WDFY4: variants seen among roughly 807,000 people sequenced by gnomAD.
WDFY4 encodes WD repeat- and FYVE domain-containing protein 4.
WDFY4 carries 169 observed loss-of-function variants against 351.9 expected under a neutral mutation model. The ratio of observed to expected loss-of-function variants is 0.48; its 90% confidence interval spans 0.42 to 0.55. WDFY4 has a LOEUF of 0.55. Among genes scored for constraint, WDFY4 ranks in the 20% least tolerant of loss-of-function variants. The pLI is 0.00. For missense variants in WDFY4, 3,803 were observed against 3,935.6 expected, an observed-to-expected ratio of 0.97 and a Z score of 0.90; for synonymous variants, 1,622 against 1,574.6, an observed-to-expected ratio of 1.03 and a Z score of -0.71.
At chr10:48,980,887 T>A (rs1398896545) in intron 60 of WDFY4, among the ~76,000 whole-genome samples, 4 of 152,182 alleles carry the variant, frequency 2.6e-5, no homozygotes, top group African/African-American at 9.7e-5. Flanking sequence ...TTGAGTTATA[T>A]TTTTTGAAAA....
rs1242294977 is a variant in WDFY4, at chr10:48,743,512, A to C, written c.2423A>C (p.Gln808Pro). 1.7e-5 allele frequency: 26 copies of C among 1,539,556 alleles called. No homozygotes were observed. Among genetic ancestry groups the C allele is most frequent in the Non-Finnish European group, 2.2e-5 (25 of 1,146,164 alleles). Residue 808 changes from glutamine to proline, a missense_variant, in exon 12 of 62, where the codon CAA (glutamine) becomes CCA (proline). Coordinates refer to ENST00000325239, the MANE Select transcript of WDFY4 (RefSeq NM_001394531.1). Reference protein sequence around the residue: ...VQKGETGSDPQRNFKQWPDLE... With the variant: ...VQKGETGSDPPRNFKQWPDLE... ...AAGGGAGAAACTGGCAGTGACCCCC[A>C]ACGCAACTTCAAGCAGTGGCCAGAC...
intron 59 of WDFY4, among the ~76,000 whole-genome samples, chr10:48,977,989 G>A (rs1842648375): frequency 6.6e-6 from 1 of 152,176 alleles, no homozygotes; most frequent in Admixed American, 6.5e-5. Flanking sequence ...GAGGGCATTG[G>A]TTGAGCAAAA....
chr10:48,819,698 G>C (rs1289247859), intron 32 of WDFY4, among the ~76,000 whole-genome samples: 1 of 152,176 alleles, frequency 6.6e-6, no homozygotes, highest in East Asian at 1.9e-4. Flanking sequence ...TTAGAGGAAA[G>C]AACTCTTTGG....
intron 50 of WDFY4, among the ~76,000 whole-genome samples, chr10:48,946,499 G>C (rs757220411): frequency 1.5e-4 from 23 of 152,214 alleles, no homozygotes; most frequent in Non-Finnish European, 2.5e-4. Flanking sequence ...CTTTCTCTCT[G>C]CCAGGGGCAG....
intron 44 of WDFY4, among the ~76,000 whole-genome samples, chr10:48,892,713 A>T (rs1836875572): frequency 1.3e-5 from 2 of 152,246 alleles, no homozygotes; most frequent in South Asian, 4.1e-4. Flanking sequence ...TTTCTGTAAA[A>T]GACTGCTATG....
chr10:48,750,589 TCCTCAGCAC>T (rs1438761180), intron 12 of WDFY4, among the ~76,000 whole-genome samples: 2 of 152,252 alleles, frequency 1.3e-5, no homozygotes, highest in East Asian at 1.9e-4. Flanking sequence ...GCCTCACATT[TCCTCAGCAC>T]CCTCAGCACT....
chr10:48,719,047 C>T (rs1187384707), intron 2 of WDFY4, among the ~76,000 whole-genome samples: 1 of 152,030 alleles, frequency 6.6e-6, no homozygotes, highest in Non-Finnish European at 1.5e-5. Flanking sequence ...ATTTTTTAAG[C>T]CTGGAACTAA....
rs563523353 is a variant in WDFY4, at chr10:48,938,675, A to G, written c.7587-3131A>G. Among the ~76,000 whole-genome samples the G allele has an allele frequency of 1.6e-4, 25 of 152,338 alleles. No individual in the cohort carries two copies. The East Asian group carries it at 3.5e-3, about 21-fold the overall frequency. On this transcript the variant is annotated intron_variant, in intron 47 of 61. Transcript: ENST00000325239. ...GCAGTGTGGGGTAGGGAAGGCCCTA[A>G]GGCCACATGGCAGTAGCGCTCAAGC...
At chr10:48,911,184 T>A (rs1364729544) in intron 47 of WDFY4, among the ~76,000 whole-genome samples, 1 of 152,180 alleles carries the variant, frequency 6.6e-6, no homozygotes, top group Non-Finnish European at 1.5e-5. Context: ...TCATCACACA[T>A]GTCTCAGACA....
chr10:48,788,698 T>C, intron 21 of WDFY4, 23 bp downstream of exon 21: 1 of 1,550,428 alleles, frequency 6.4e-7, no homozygotes, highest in Non-Finnish European at 8.7e-7. Flanking sequence ...ACTTCGCTGC[T>C]AATCTCTGTT....
intron 47 of WDFY4, among the ~76,000 whole-genome samples, chr10:48,916,894 TG>T (rs1165418341): frequency 6.6e-6 from 1 of 151,974 alleles, no homozygotes; most frequent in African/African-American, 2.4e-5. Flanking sequence ...TGTGTGTGTG[TG>T]TGTGTGTGTG....
chr10:48,902,725 A>G (rs1837419180), intron 47 of WDFY4, among the ~76,000 whole-genome samples: 1 of 152,068 alleles, frequency 6.6e-6, no homozygotes. Context: ...GATAATTATA[A>G]GTGTAAGTGT....
chr10:48,807,929 A>T lies in WDFY4; in HGVS notation c.4809A>T (p.Ile1603=), dbSNP rs778359208. The T allele has an allele frequency of 6.5e-7, 1 of 1,549,610 alleles. No homozygotes were observed. The highest frequency in any genetic ancestry group is 1.2e-5 in the South Asian group (1 of 83,670). ...TGCTGGAGATGCTGCTCAGTGTAATATCTTCCCCCCAGCTTCATCTGTCCT... is the reference window on the plus strand; with the variant it reads ...TGCTGGAGATGCTGCTCAGTGTAATTTCTTCCCCCCAGCTTCATCTGTCCT... The part of the protein sequence containing the change: ...NQLLEMLLSV[I]SSPQLHLSSE... Residue 1603 remains isoleucine, a synonymous_variant, in exon 28 of 62, where the codon ATA becomes ATT. Transcript: ENST00000325239.
chr10:48,775,254 A>T (rs2065993165), intron 14 of WDFY4, among the ~76,000 whole-genome samples: 1 of 152,130 alleles, frequency 6.6e-6, no homozygotes, highest in South Asian at 2.1e-4. Context: ...GGAGGGCAGG[A>T]GTCTCCTATG....
At position 48,789,832 on chromosome 10, in the gene WDFY4, T is replaced by C. The variant is rs1041658018; in HGVS notation, c.3955-42T>C. On this transcript the variant is annotated intron_variant, in intron 21 of 61. Transcript: ENST00000325239. ...GAGCTCGTGGACAATGCTTCTTCTT[T>C]TGCAGGACTTTCTTAGGACTAATTG... 2.6e-6 allele frequency: 4 copies of C among 1,543,370 alleles called. No individual in the cohort carries two copies. In the African/African-American group the frequency reaches 5.5e-5, roughly 21 times the overall value.
At chr10:48,854,427 A>G (rs2069066345) in intron 39 of WDFY4, among the ~76,000 whole-genome samples, 1 of 151,762 alleles carries the variant, frequency 6.6e-6, no homozygotes, top group African/African-American at 2.4e-5. Flanking sequence ...TTTTTTTTCA[A>G]CTGATCTTAT....
At chr10:48,762,926 T>C (rs1168500219) in intron 13 of WDFY4, among the ~76,000 whole-genome samples, 1 of 152,194 alleles carries the variant, frequency 6.6e-6, no homozygotes, top group Non-Finnish European at 1.5e-5. Context: ...TCCTCTTCTG[T>C]GAGGGGTGAC....
At chr10:48,786,499 G>C (rs577740283) in intron 19 of WDFY4, 140 bp from the exon 20 acceptor site, 434 of 641,136 alleles carry the variant, frequency 6.8e-4, no homozygotes, top group Non-Finnish European at 8.8e-4. Context: ...TGAGATTTGA[G>C]AATTATATTT....
At chr10:48,716,487 G>GA (rs758704521) in intron 2 of WDFY4, among the ~76,000 whole-genome samples, 18 of 152,278 alleles carry the variant, frequency 1.2e-4, no homozygotes, top group East Asian at 3.9e-4. Context: ...CCCAGTTTGG[G>GA]AAAAAATTAG....
Sources: allele counts gnomAD v4.1 joint callset (sites outside exome capture counted in the v4.1 genomes callset), GRCh38; gene constraint gnomAD v4.1.1; transcripts MANE v1.5; gene names NCBI Gene and HGNC (gene_info 2026-07-23, HGNC 2026-07-21).